Variants in CPT1C observed in about 807,000 individuals in gnomAD.
CPT1C encodes carnitine palmitoyltransferase 1C.
CPT1C carries 61 observed loss-of-function variants against 97.3 expected under a neutral mutation model. The ratio of observed to expected loss-of-function variants is 0.63; its 90% confidence interval spans 0.51 to 0.78. The LOEUF (loss-of-function observed/expected upper bound fraction) is 0.78, where lower values mean the gene tolerates loss of function less well. CPT1C is among the 30% of genes least tolerant of loss of function. The pLI is 0.00. For synonymous variants in CPT1C, 469 were observed against 447.2 expected, an observed-to-expected ratio of 1.05 and a Z score of -0.61; for missense variants, 975 against 1,065.5, an observed-to-expected ratio of 0.92 and a Z score of 1.18.
At chr19:49,698,521 G>A (rs1471203817) in intron 4 of CPT1C, among the ~76,000 whole-genome samples, 1 of 150,736 alleles carries the variant, frequency 6.6e-6, no homozygotes, top group Non-Finnish European at 1.5e-5. Flanking sequence ...AAATTAGCCG[G>A]GTGTGGTGGT....
At chr19:49,702,204 TTA>T (rs1267591727) in intron 7 of CPT1C, among the ~76,000 whole-genome samples, 1 of 137,504 alleles carries the variant, frequency 7.3e-6, no homozygotes, top group Non-Finnish European at 1.5e-5. Flanking sequence ...ATATATTTAT[TTA>T]TATATATATG....
chr19:49,697,194 T>C, intron 3 of CPT1C, 132 bp from the exon 4 acceptor site: 1 of 1,126,740 alleles, frequency 8.9e-7, no homozygotes, highest in Non-Finnish European at 1.3e-6. Flanking sequence ...TGGATCTCTC[T>C]GTTCCCTACT....
rs1411812352 is a variant in CPT1C at position 49,711,798 on chromosome 19, G to T, written c.1867-11G>T. The T allele has an allele frequency of 6.2e-7, 1 of 1,604,062 alleles. No individual in the cohort carries two copies. On this transcript the variant is annotated splice_polypyrimidine_tract_variant and intron_variant, in intron 16 of 19. Transcript: ENST00000598293. ...TCTTTCCATGACCTGTGACCTCCCT[G>T]GGGACTGCAGGACCCACAGTGCCTC...
Position 49,710,756 on chromosome 19 carries a change from G to A in CPT1C, c.1765G>A (p.Ala589Thr), listed in dbSNP as rs766200911. 1 of 1,613,954 alleles carries A rather than the reference G, an allele frequency of 6.2e-7. No individual in the cohort carries two copies. The highest frequency in any genetic ancestry group is 1.7e-5 in the Admixed American group (1 of 60,004). The change falls in exon 16 of 20, where the codon GCC becomes ACC. Residue 589 changes from alanine (A) to threonine (T), a missense_variant. Ala to Thr is a moderately conservative substitution (Grantham distance 58). This residue lies in a region of CPT1C where 344 missense variants were observed against 395.7 expected (regional missense o/e 0.87). Coordinates refer to ENST00000598293, the MANE Select transcript of CPT1C (RefSeq NM_001199753.2). ...RGQFCLTYES[A>T]MTRLFLEGRT... ...TCAATTCTGCCTGACTTATGAGTCGGCCATGACTCGCTTATTCCTGGAAGG... is the reference window on the plus strand; with the variant it reads ...TCAATTCTGCCTGACTTATGAGTCGACCATGACTCGCTTATTCCTGGAAGG...
chr19:49,701,726 G>A, intron 7 of CPT1C, 92 bp downstream of exon 7: 1 of 1,411,176 alleles, frequency 7.1e-7, no homozygotes, highest in African/African-American at 1.5e-5. Context: ...CCTGCCCCAC[G>A]ACACGCCCAC....
chr19:49,700,816 G>A lies in CPT1C; in HGVS notation c.414G>A (p.Glu138=), dbSNP rs1405538035. Residue 138 remains glutamate, a synonymous_variant, in exon 5 of 20, where the codon GAG becomes GAA. Coordinates refer to ENST00000598293, the MANE Select transcript of CPT1C (RefSeq NM_001199753.2). The stretch of plus-strand genomic sequence containing the variant: ...TGTCCTACCACGGCTGGCTTCTTGA[G>A]CCCCACGGAGCCATGTCCTCCCCCA... The part of the protein sequence containing the change: ...LLLSYHGWLL[E]PHGAMSSPTK... The A allele has an allele frequency of 3.1e-6, 5 of 1,613,076 alleles. No individual in the cohort carries two copies. Among genetic ancestry groups the A allele is most frequent in the Non-Finnish European group, 4.2e-6 (5 of 1,180,028 alleles).
intron 7 of CPT1C, among the ~76,000 whole-genome samples, chr19:49,704,183 T>C (rs1290848859): frequency 6.6e-6 from 1 of 152,234 alleles, no homozygotes; most frequent in Non-Finnish European, 1.5e-5. Context: ...TTTTTCTTTT[T>C]TGGGGGGGAC....
At chr19:49,695,000 G>A (rs2082579547) in intron 3 of CPT1C, among the ~76,000 whole-genome samples, 1 of 151,908 alleles carries the variant, frequency 6.6e-6, no homozygotes. Context: ...AATTAGCTGG[G>A]CGTGGTGGCA....
chr19:49,712,343 CAAAAA>C (rs750870666), intron 17 of CPT1C: 32 of 119,408 alleles, frequency 2.7e-4, no homozygotes, highest in South Asian at 6.4e-4. Context: ...GACTCTGTCT[CAAAAA>C]AAAAAAAAAA....
At chr19:49,699,225 G>A (rs1360621345) in intron 4 of CPT1C, among the ~76,000 whole-genome samples, 2 of 151,908 alleles carry the variant, frequency 1.3e-5, no homozygotes, top group Non-Finnish European at 2.9e-5. Context: ...TGAAAACTGG[G>A]TGCAGGTGAG....
At chr19:49,707,383 T>C in intron 12 of CPT1C, 135 bp from the exon 13 acceptor site, 1 of 674,716 alleles carries the variant, frequency 1.5e-6, no homozygotes, top group East Asian at 2.8e-5. Context: ...CCAATGGTCC[T>C]AGAGATCCCC....
In CPT1C at chr19:49,705,306, C is replaced by A. The variant is rs981995263; in HGVS notation, c.964+8C>A. The A allele has an allele frequency of 6.3e-7, 1 of 1,580,292 alleles. No individual in the cohort carries two copies. The highest frequency in any genetic ancestry group is 8.6e-7 in the Non-Finnish European group (1 of 1,157,490). On this transcript the variant is annotated splice_region_variant and intron_variant, in intron 10 of 19. Coordinates refer to ENST00000598293, the MANE Select transcript of CPT1C (RefSeq NM_001199753.2). ...TTCCAGGGGTCCAAAAAGGTGAGAC[C>A]CTCTCCTGTCCCCACTGATGGAGGC...
At chr19:49,692,783 G>GTGGCGGGA (rs1229778653) in intron 3 of CPT1C, among the ~76,000 whole-genome samples, 1 of 152,210 alleles carries the variant, frequency 6.6e-6, no homozygotes, top group African/African-American at 2.4e-5. Flanking sequence ...CTGGAGTGCA[G>GTGGCGGGA]TGGCGGGATC....
At position 49,692,235 on chromosome 19, in the gene CPT1C, T is replaced by G; in HGVS notation, c.-14-4T>G. On this transcript the variant is annotated splice_region_variant and splice_polypyrimidine_tract_variant and intron_variant, in intron 2 of 19. Coordinates refer to ENST00000598293, the MANE Select transcript of CPT1C (RefSeq NM_001199753.2). ...GTCCTGAAGTATGACTCTGCCCGAC[T>G]CAGGGCTCCAGCGTGACATGGCTGA... The G allele has an allele frequency of 6.2e-7, 1 of 1,612,792 alleles. No individual in the cohort carries two copies. Among genetic ancestry groups the G allele is most frequent in the East Asian group, 2.2e-5 (1 of 44,800 alleles).
At chr19:49,700,577 CTCTG>C (rs939903120) in intron 4 of CPT1C, 103 bp from the exon 5 acceptor site, 19 of 1,272,556 alleles carry the variant, frequency 1.5e-5, no homozygotes, top group Admixed American at 8.1e-5. Flanking sequence ...AAATGGGTTT[CTCTG>C]TCTGACAGCC....
intron 10 of CPT1C, among the ~76,000 whole-genome samples, chr19:49,705,564 G>A (rs149498638): frequency 5.2e-4 from 79 of 152,210 alleles, no homozygotes; most frequent in African/African-American, 1.7e-3. Flanking sequence ...TTCGAGACCA[G>A]CCTAGGGCAA....
At chr19:49,701,771 CCT>C in intron 7 of CPT1C, 137 bp downstream of exon 7, 1 of 796,788 alleles carries the variant, frequency 1.3e-6, no homozygotes. Flanking sequence ...GGGTCAATAC[CCT>C]GAGCCCCGCT....
intron 7 of CPT1C, among the ~76,000 whole-genome samples, chr19:49,703,055 G>T (rs67675416): frequency 0.13 from 18,568 of 145,664 alleles, 1,403 homozygotes; most frequent in Non-Finnish European, 0.18. Context: ...TCACACTTTT[G>T]GACAAGATTC....
rs192009968 is a variant in CPT1C at position 49,710,916 on chromosome 19, C to T, written c.1866+59C>T. 216 of 1,546,306 alleles carry T rather than the reference C, an allele frequency of 1.4e-4. No homozygotes were observed. The East Asian group carries it at 4.5e-3, about 32-fold the overall frequency. ...TTCTGTGTACTCACTCATCCACTTG[C>T]AAACGTTGATGGGACCTACTGAAGC... is the stretch of plus-strand genomic sequence containing the variant. On this transcript the variant is annotated intron_variant, in intron 16 of 19. Coordinates refer to ENST00000598293, the MANE Select transcript of CPT1C (RefSeq NM_001199753.2).
Sources: gnomAD v4.1 joint callset for allele counts (sites outside exome capture counted in the v4.1 genomes callset) on GRCh38, gnomAD v4.1.1 for gene constraint, gnomAD v4.1.1 regional missense constraint, MANE v1.5 for transcripts, NCBI Gene and HGNC (gene_info 2026-07-23, HGNC 2026-07-21) for gene names.